The following SYT12 variants were observed in gnomAD, a reference collection of about 807,000 sequenced individuals.
SYT12 encodes synaptotagmin 12, also known as synaptotagmin-12.
A neutral mutation model predicts 39.5 loss-of-function variants in SYT12; 27 were observed. The ratio of observed to expected loss-of-function variants is 0.68; its 90% confidence interval spans 0.50 to 0.94. SYT12 has a LOEUF of 0.94. Ranked by LOEUF, SYT12 falls within the 40% of genes least tolerant of loss-of-function variation. The pLI is 0.00. For missense variants in SYT12, 536 were observed against 572.6 expected, an observed-to-expected ratio of 0.94 and a Z score of 0.65; for synonymous variants, 233 against 239.7, an observed-to-expected ratio of 0.97 and a Z score of 0.26.
intron 1 of SYT12, among the ~76,000 whole-genome samples, chr11:67,024,891 GAGC>G (rs1950160806): frequency 6.6e-6 from 1 of 152,212 alleles, no homozygotes; most frequent in African/African-American, 2.4e-5. Flanking sequence ...AGGTGGGGTG[GAGC>G]AGAAGGCAGG....
At chr11:67,008,610 G>A (rs1591346653) in intron 1 of SYT12, among the ~76,000 whole-genome samples, 1 of 151,726 alleles carries the variant, frequency 6.6e-6, no homozygotes, top group East Asian at 1.9e-4. Context: ...GAGTGCAATG[G>A]CATGAGCTCG....
chr11:67,011,001 AG>A (rs1950009487), intron 3 of SYT12: 1 of 152,218 alleles, frequency 6.6e-6, no homozygotes, highest in Non-Finnish European at 1.5e-5. Flanking sequence ...CACAGTAAGT[AG>A]AATTCTTTAT....
intron 3 of SYT12, among the ~76,000 whole-genome samples, chr11:67,015,990 T>A (rs1284762446): frequency 6.6e-6 from 1 of 152,008 alleles, no homozygotes; most frequent in Non-Finnish European, 1.5e-5. Flanking sequence ...CACGAAAAGA[T>A]GATGGGAGGG....
At chr11:67,030,436 G>T in intron 2 of SYT12, 1 of 486,724 alleles carries the variant, frequency 2.1e-6, no homozygotes. Flanking sequence ...ACTTGAAAGG[G>T]TCCCCGGGGA....
chr11:67,029,950 A>G, intron 1 of SYT12, 172 bp from the exon 2 acceptor site: 1 of 582,748 alleles, frequency 1.7e-6, no homozygotes, highest in South Asian at 2.2e-5. Flanking sequence ...GAATGCTTGA[A>G]AAGAGCTTTA....
chr11:67,030,521 G>A (rs913612595), intron 2 of SYT12: 10 of 272,734 alleles, frequency 3.7e-5, no homozygotes, highest in Non-Finnish European at 4.8e-5. Context: ...TGTGGAGACT[G>A]TCAAGTAGCC....
At chr11:67,041,002 A>T (rs1237106410) in intron 4 of SYT12, among the ~76,000 whole-genome samples, 1 of 151,914 alleles carries the variant, frequency 6.6e-6, no homozygotes, top group African/African-American at 2.4e-5. Context: ...TACCAAAAAA[A>T]ATAAAATAAA....
intron 3 of SYT12, among the ~76,000 whole-genome samples, chr11:67,017,243 C>T (rs1047701314): frequency 1.1e-4 from 17 of 152,072 alleles, no homozygotes; most frequent in African/African-American, 3.6e-4. Context: ...GAGTTGAGGC[C>T]GGGTATGGTG....
rs528484842 is a variant in SYT12 at position 67,037,892 on chromosome 11, A to G, written c.229-1919A>G. Among the ~76,000 whole-genome samples the G allele has an allele frequency of 4.0e-5, 6 of 151,102 alleles. No homozygotes were observed. The South Asian group carries it at 1.0e-3, about 26-fold the overall frequency. The stretch of plus-strand genomic sequence containing the variant: ...GCGAGGCTCCCCCTCAGAAAAAAAA[A>G]AAAAGAAAAAAAAAAAGCCAGGTGT... On this transcript the variant is annotated intron_variant, in intron 3 of 7. Transcript: ENST00000527043.
chr11:67,039,516 A>C (rs1950456763), intron 3 of SYT12, among the ~76,000 whole-genome samples: 2 of 152,132 alleles, frequency 1.3e-5, no homozygotes. Context: ...CAGGAGGCTG[A>C]GGCAGGAGAA....
At chr11:67,045,898 G>A in intron 7 of SYT12, 21 bp downstream of exon 7, 1 of 1,613,794 alleles carries the variant, frequency 6.2e-7, no homozygotes, top group Non-Finnish European at 8.5e-7. Flanking sequence ...CTGGGGGATG[G>A]GAAGGGGCCA....
intron 3 of SYT12, among the ~76,000 whole-genome samples, chr11:67,013,488 C>T (rs1233454689): frequency 6.6e-6 from 1 of 152,202 alleles, no homozygotes; most frequent in African/African-American, 2.4e-5. Context: ...GGGCTCCTGC[C>T]TCTCTCCTCT....
intron 1 of SYT12, among the ~76,000 whole-genome samples, 168 bp downstream of exon 1, chr11:67,023,628 G>A (rs2136201655): frequency 6.6e-6 from 1 of 152,270 alleles, no homozygotes; most frequent in South Asian, 2.1e-4. Flanking sequence ...CGGGCACCGC[G>A]CACGCTGGGC....
At chr11:67,044,761 C>G in intron 6 of SYT12, 48 bp downstream of exon 6, 1 of 1,608,088 alleles carries the variant, frequency 6.2e-7, no homozygotes, top group Non-Finnish European at 8.5e-7. Context: ...TCAGTGGAAG[C>G]TGTGGCCCAG....
intron 3 of SYT12, among the ~76,000 whole-genome samples, chr11:67,011,538 G>A (rs1228803321): frequency 3.3e-5 from 5 of 152,218 alleles, no homozygotes; most frequent in East Asian, 3.9e-4. Context: ...CACTGTGCCC[G>A]GCCTGATTTT....
At chr11:67,018,837 A>G (rs75752860), upstream of SYT12, among the ~76,000 whole-genome samples, 8 of 152,064 alleles carry the variant, frequency 5.3e-5, no homozygotes, top group Admixed American at 5.2e-4. Flanking sequence ...AAAAAAAGAA[A>G]AAGAAAACAA....
At chr11:67,024,275 G>C (rs966619818) in intron 1 of SYT12, among the ~76,000 whole-genome samples, 2 of 152,254 alleles carry the variant, frequency 1.3e-5, no homozygotes, top group African/African-American at 4.8e-5. Context: ...TTAGAGAGCA[G>C]CAGCAATAGT....
chr11:67,023,895 C>G (rs1180464523), intron 1 of SYT12, among the ~76,000 whole-genome samples: 1 of 152,236 alleles, frequency 6.6e-6, no homozygotes, highest in Non-Finnish European at 1.5e-5. Context: ...CCGTCCCAAT[C>G]TGGAGGGGAA....
chr11:67,036,383 C>G (rs771030690), intron 3 of SYT12, among the ~76,000 whole-genome samples: 5 of 152,182 alleles, frequency 3.3e-5, no homozygotes, highest in African/African-American at 4.8e-5. Context: ...AAAACTTTGT[C>G]TTCATTTGGG....
Sources: allele counts gnomAD v4.1 joint callset (sites outside exome capture counted in the v4.1 genomes callset), GRCh38; gene constraint gnomAD v4.1.1; transcripts MANE v1.5; gene names NCBI Gene and HGNC (gene_info 2026-07-23, HGNC 2026-07-21).